The following FSCN1 variants were observed in gnomAD, a reference collection of about 807,000 sequenced individuals.
FSCN1 encodes fascin.
FSCN1 carries 10 observed loss-of-function variants against 39.7 expected under a neutral mutation model. The ratio of observed to expected loss-of-function variants is 0.25; its 90% CI spans 0.16 to 0.43. The LOEUF (loss-of-function observed/expected upper bound fraction) is 0.43, where lower values mean the gene tolerates loss of function less well. Among genes scored for constraint, FSCN1 ranks in the 20% least tolerant of loss-of-function variants. The pLI is 1.00. For synonymous variants in FSCN1, 322 were observed against 320.0 expected, an observed-to-expected ratio of 1.01 and a Z score of -0.07; for missense variants, 525 against 723.8, an observed-to-expected ratio of 0.73 and a Z score of 3.15.
rs1785864463 is a variant in FSCN1 at position 5,603,159 on chromosome 7, G to A, written c.833-98G>A. 2.8e-6 allele frequency: 4 copies of A among 1,404,498 alleles called. No homozygotes were observed. The highest frequency in any genetic ancestry group is 1.8e-5 in the Admixed American group (1 of 54,588). 87.0% of individuals were successfully genotyped at this position (1,404,498 alleles called of 1,614,324 possible). A position where few individuals can be genotyped will look rare whatever the true frequency, so the allele number is the denominator to read the frequency against. ...TCGGCCGCCCACCCCACCCCGTGGT[G>A]TTACCTTGCGTGTGTAGTTCTGTGA... is the stretch of plus-strand genomic sequence containing the variant. On this transcript the variant is annotated intron_variant, in intron 1 of 4. Coordinates refer to ENST00000382361, the MANE Select transcript of FSCN1 (RefSeq NM_003088.4). The surrounding 1 kb of genome is among the most constrained non-coding windows in gnomAD (Gnocchi z 8.5).
At position 5,599,158 on chromosome 7, in the gene FSCN1, C is replaced by T. The variant is rs1193947579; in HGVS notation, c.833-4099C>T. Among the ~76,000 whole-genome samples, 8 of 152,118 alleles carry T rather than the reference C, an allele frequency of 5.3e-5. No homozygotes were observed. Among genetic ancestry groups the T allele is most frequent in the East Asian group, 1.9e-4 (1 of 5,190 alleles). ...GCCCCTGCTCACCTTATCCTCCTCC[C>T]GTGCTTGGCTGGGGTGTGGTGGCTG... On this transcript the variant is annotated intron_variant, in intron 1 of 4. Coordinates refer to ENST00000382361, the MANE Select transcript of FSCN1 (RefSeq NM_003088.4). This position sits in a 1 kb window ranked among gnomAD's most constrained non-coding sequence, Gnocchi z 5.6.
rs569592991 is a variant in FSCN1 at position 5,593,197 on chromosome 7, C to T, written c.261C>T (p.Pro87=). 94 of 1,603,258 alleles carry T rather than the reference C, an allele frequency of 5.9e-5. No individual in the cohort carries two copies. In the South Asian group the frequency reaches 9.8e-4, roughly 17 times the overall value. ...NVTCEREVPG[P]DCRFLIVAHD... is the part of the protein sequence containing the mutation. ...CCTGCGAGCGCGAGGTGCCCGGTCC[C>T]GACTGCCGTTTCCTCATCGTGGCGC... Residue 87 remains proline (P), a synonymous_variant, in exon 1 of 5, where the codon CCC becomes CCT. Transcript: ENST00000382361.
In FSCN1 at chr7:5,605,789, C is replaced by T. The variant is rs1162643779; in HGVS notation, c.*315C>T. 6 of 289,786 alleles carry T rather than the reference C, an allele frequency of 2.1e-5. No individual in the cohort carries two copies. The highest frequency in any genetic ancestry group is 9.4e-5 in the Admixed American group (2 of 21,288). The allele number at this position is 289,786 out of a possible 1,614,324, so 18.0% of individuals were successfully genotyped here. On this transcript the variant is annotated 3_prime_UTR_variant, in exon 5 of 5. Coordinates refer to ENST00000382361, the MANE Select transcript of FSCN1 (RefSeq NM_003088.4). The surrounding 1 kb of genome is among the most constrained non-coding windows in gnomAD (Gnocchi z 6.9). ...TCTTCTGACCTCAGACGGCTCTGAG[C>T]CTTATTTCTCTGGAAGCGGCTAAGG...
At chr7:5,598,525 C>T (rs939230996) in intron 1 of FSCN1, among the ~76,000 whole-genome samples, 23 of 152,246 alleles carry the variant, frequency 1.5e-4, no homozygotes, top group African/African-American at 5.1e-4. Flanking sequence ...AGGAGCCTCC[C>T]GGCTTCCTGC....
chr7:5,598,061 C>T (rs1196759497), intron 1 of FSCN1, among the ~76,000 whole-genome samples: 1 of 152,242 alleles, frequency 6.6e-6, no homozygotes, highest in Non-Finnish European at 1.5e-5. Flanking sequence ...GGGGGGACGA[C>T]ACCCCTTTCC....
chr7:5,597,279 G>T (rs1020928259), intron 1 of FSCN1, among the ~76,000 whole-genome samples: 1 of 152,260 alleles, frequency 6.6e-6, no homozygotes, highest in African/African-American at 2.4e-5. Flanking sequence ...TTAGATGGGA[G>T]GATCACTTGA....
In FSCN1 at chr7:5,605,534, A is replaced by G; in HGVS notation, c.*60A>G. The G allele has an allele frequency of 7.8e-7, 1 of 1,274,378 alleles. No homozygotes were observed. The allele number at this position is 1,274,378 out of a possible 1,614,324, so 78.9% of individuals were successfully genotyped here. A position where few individuals can be genotyped will look rare whatever the true frequency, so the allele number is the denominator to read the frequency against. The stretch of plus-strand genomic sequence containing the variant: ...GCGGCTCCTGCCAACCCTCCCTGCT[A>G]ACCCCTTCTCCGCCAGGTGGGCTCC... On this transcript the variant is annotated 3_prime_UTR_variant, in exon 5 of 5. Coordinates refer to ENST00000382361, the MANE Select transcript of FSCN1 (RefSeq NM_003088.4). This position sits in a 1 kb window ranked among gnomAD's most constrained non-coding sequence, Gnocchi z 6.9.
In FSCN1 at chr7:5,603,697, C is replaced by T. The variant is rs1785876435; in HGVS notation, c.1111+80C>T. On this transcript the variant is annotated intron_variant, in intron 3 of 4. Coordinates refer to ENST00000382361, the MANE Select transcript of FSCN1 (RefSeq NM_003088.4). This position sits in a 1 kb window ranked among gnomAD's most constrained non-coding sequence, Gnocchi z 8.5. ...CCATGCCGTGGTCACTTGGTAGCCC[C>T]AGCCAAGGCCTGCTCTGTGCTGGGC... 3 of 1,586,608 alleles carry T rather than the reference C, an allele frequency of 1.9e-6. No individual in the cohort carries two copies. The highest frequency in any genetic ancestry group is 2.6e-6 in the Non-Finnish European group (3 of 1,159,146).
At chr7:5,600,803 G>A (rs1437026017) in intron 1 of FSCN1, among the ~76,000 whole-genome samples, 5 of 151,354 alleles carry the variant, frequency 3.3e-5, no homozygotes, top group African/African-American at 4.9e-5. Context: ...ACAGGCGCCC[G>A]CCACCGTGCC....
chr7:5,593,971 C>T, intron 1 of FSCN1: 1 of 558,856 alleles, frequency 1.8e-6, no homozygotes, highest in African/African-American at 2.0e-5. Context: ...TGCCGCTGCC[C>T]ACCTCCCACC....
intron 1 of FSCN1, among the ~76,000 whole-genome samples, chr7:5,595,281 T>C (rs55742274): frequency 6.6e-6 from 1 of 152,116 alleles, no homozygotes; most frequent in African/African-American, 2.4e-5. Context: ...CTACCTTAAG[T>C]CCCAGAGAGG....
rs564777200 is a variant in FSCN1, at chr7:5,605,546, G to T, written c.*72G>T. 3.4e-6 allele frequency: 4 copies of T among 1,160,680 alleles called. No individual in the cohort carries two copies. The highest frequency in any genetic ancestry group is 4.8e-6 in the Non-Finnish European group (4 of 829,854). The allele number at this position is 1,160,680 out of a possible 1,614,324, so 71.9% of individuals were successfully genotyped here. A position where few individuals can be genotyped will look rare whatever the true frequency, so the allele number is the denominator to read the frequency against. ...AACCCTCCCTGCTAACCCCTTCTCCGCCAGGTGGGCTCCAGGGCGGGAGGC... is the reference window on the plus strand; with the variant it reads ...AACCCTCCCTGCTAACCCCTTCTCCTCCAGGTGGGCTCCAGGGCGGGAGGC... On this transcript the variant is annotated 3_prime_UTR_variant, in exon 5 of 5. Transcript: ENST00000382361. The surrounding 1 kb of genome is among the most constrained non-coding windows in gnomAD (Gnocchi z 6.9).
chr7:5,598,957 G>A (rs923743038), intron 1 of FSCN1, among the ~76,000 whole-genome samples: 3 of 152,230 alleles, frequency 2.0e-5, no homozygotes, highest in Admixed American at 1.3e-4. Flanking sequence ...GGGCAGCTGT[G>A]CGGGTGTGGC....
rs372943444 is a variant in FSCN1, at chr7:5,593,107, C to T, written c.171C>T (p.Ser57=). The part of the protein sequence containing the change: ...TLEQPPDEAG[S]AAVCLRSHLG... ...AGCAGCCCCCTGACGAGGCGGGCAGCGCGGCCGTGTGCCTGCGCAGCCACC... is the reference window on the plus strand; with the variant it reads ...AGCAGCCCCCTGACGAGGCGGGCAGTGCGGCCGTGTGCCTGCGCAGCCACC... Residue 57 remains serine (S), a synonymous_variant, in exon 1 of 5, where the codon AGC becomes AGT. Coordinates refer to ENST00000382361, the MANE Select transcript of FSCN1 (RefSeq NM_003088.4). 5 of 1,604,488 alleles carry T rather than the reference C, an allele frequency of 3.1e-6. No individual in the cohort carries two copies. The highest frequency in any genetic ancestry group is 1.3e-5 in the African/African-American group (1 of 74,818).
At position 5,606,167 on chromosome 7, in the gene FSCN1, G is replaced by T. The variant is rs1218956084; in HGVS notation, c.*693G>T. On this transcript the variant is annotated 3_prime_UTR_variant, in exon 5 of 5. Transcript: ENST00000382361. This position sits in a 1 kb window ranked among gnomAD's most constrained non-coding sequence, Gnocchi z 5.1. The stretch of plus-strand genomic sequence containing the variant: ...GCGGGCGGGTAGGGGTGTGGGGGCC[G>T]TCTTCCTCCTGTCTCTTTCCTTTCA... The T allele has an allele frequency of 2.0e-5, 3 of 152,180 alleles. No individual in the cohort carries two copies. Among genetic ancestry groups the T allele is most frequent in the Non-Finnish European group, 4.4e-5 (3 of 68,034 alleles). The allele number at this position is 152,180 out of a possible 1,614,324, so 9.4% of individuals were successfully genotyped here. A position where few individuals can be genotyped will look rare whatever the true frequency, so the allele number is the denominator to read the frequency against.
Position 5,606,562 on chromosome 7 carries a change from T to C in FSCN1, c.*1088T>C, listed in dbSNP as rs1482146182. ...TCACTCTGGGTGTCTTGGTCTTTTA[T>C]TTTTTGTAAGTGTCATTTGTATAAC... On this transcript the variant is annotated 3_prime_UTR_variant, in exon 5 of 5. Transcript: ENST00000382361. The surrounding 1 kb of genome is among the most constrained non-coding windows in gnomAD (Gnocchi z 5.1). 1 of 152,190 alleles carries C rather than the reference T, an allele frequency of 6.6e-6. No homozygotes were observed. Among genetic ancestry groups the C allele is most frequent in the Non-Finnish European group, 1.5e-5 (1 of 68,050 alleles). 9.4% of individuals were successfully genotyped at this position (152,190 alleles called of 1,614,324 possible).
chr7:5,602,451 G>A (rs774686907), intron 1 of FSCN1, among the ~76,000 whole-genome samples: 1 of 151,824 alleles, frequency 6.6e-6, no homozygotes. Context: ...CCCAAGATGC[G>A]CTGTTCCGCT....
chr7:5,595,608 T>C (rs1049866039), intron 1 of FSCN1, among the ~76,000 whole-genome samples: 5 of 151,704 alleles, frequency 3.3e-5, no homozygotes, highest in African/African-American at 1.2e-4. Context: ...GTGGCAGGTA[T>C]GGGGGGGGTG....
Position 5,603,665 on chromosome 7 carries a change from G to C in FSCN1, c.1111+48G>C, listed in dbSNP as rs757787709. 2 of 1,612,274 alleles carry C rather than the reference G, an allele frequency of 1.2e-6. No individual in the cohort carries two copies. Among genetic ancestry groups the C allele is most frequent in the South Asian group, 2.2e-5 (2 of 90,998 alleles). On this transcript the variant is annotated intron_variant, in intron 3 of 4. Transcript: ENST00000382361. The surrounding 1 kb of genome is among the most constrained non-coding windows in gnomAD (Gnocchi z 8.5). ...CTGGAGCCGTCCTGGAGTCCTGGAGGGTCTGGCCATGCCGTGGTCACTTGG... is the reference window on the plus strand; with the variant it reads ...CTGGAGCCGTCCTGGAGTCCTGGAGCGTCTGGCCATGCCGTGGTCACTTGG...
Sources: allele counts gnomAD v4.1 joint callset (sites outside exome capture counted in the v4.1 genomes callset), GRCh38; gene constraint gnomAD v4.1.1; non-coding constraint Gnocchi (gnomAD v3.1); transcripts MANE v1.5; gene names NCBI Gene and HGNC (gene_info 2026-07-23, HGNC 2026-07-21).